The following ELMOD3 variants were observed in gnomAD, a reference collection of about 807,000 sequenced individuals.
ELMOD3 encodes ELMO domain-containing protein 3.
Under a neutral mutation model 47.4 loss-of-function variants are expected in ELMOD3, and 36 were observed. That is an observed-to-expected ratio of 0.76 (90% CI 0.58 to 1.00). The LOEUF (loss-of-function observed/expected upper bound fraction) is 1.00, where lower values mean the gene tolerates loss of function less well. Ranked by LOEUF, ELMOD3 falls within the 50% of genes least tolerant of loss-of-function variation. The pLI is 0.00. For synonymous variants in ELMOD3, 149 were observed against 183.5 expected, an observed-to-expected ratio of 0.81 and a Z score of 1.52; for missense variants, 404 against 463.8, an observed-to-expected ratio of 0.87 and a Z score of 1.18.
chr2:85,360,048 C>T (rs917910131), intron 4 of ELMOD3, among the ~76,000 whole-genome samples: 2 of 151,920 alleles, frequency 1.3e-5, no homozygotes, highest in African/African-American at 2.4e-5. Flanking sequence ...GGGGCAACAG[C>T]GCGAGACTCT....
chr2:85,370,370 G>A (rs1328211893), intron 8 of ELMOD3, among the ~76,000 whole-genome samples: 1 of 151,082 alleles, frequency 6.6e-6, no homozygotes, highest in Non-Finnish European at 1.5e-5. Context: ...GTTCAAGGCT[G>A]CAGTAAGCTA....
Position 85,390,747 on chromosome 2 carries a change from C to T in ELMOD3, c.944-13C>T, listed in dbSNP as rs1211141939. On this transcript the variant is annotated splice_polypyrimidine_tract_variant and intron_variant, in intron 13 of 13. Coordinates refer to ENST00000409013, the MANE Select transcript of ELMOD3 (RefSeq NM_001135022.2). ...CCCTCAAGCCTTCTGCTCCCCAATT[C>T]TCTCTGTTGCAGAGTTGGAAGTATT... The T allele has an allele frequency of 1.3e-6, 2 of 1,550,110 alleles. No individual in the cohort carries two copies. The highest frequency in any genetic ancestry group is 1.7e-6 in the Non-Finnish European group (2 of 1,146,886).
chr2:85,388,775 C>T (rs1686112844), intron 11 of ELMOD3, among the ~76,000 whole-genome samples: 1 of 152,214 alleles, frequency 6.6e-6, no homozygotes, highest in African/African-American at 2.4e-5. Flanking sequence ...ATTTGTTTTT[C>T]ATCTTTAACT....
At chr2:85,381,399 A>G (rs1357165609) in intron 11 of ELMOD3, among the ~76,000 whole-genome samples, 3 of 152,270 alleles carry the variant, frequency 2.0e-5, no homozygotes, top group African/African-American at 7.2e-5. Context: ...TTTTCAATCA[A>G]TAAGCCCTAA....
At position 85,363,130 on chromosome 2, in the gene ELMOD3, G is replaced by T. The variant is rs746166344; in HGVS notation, c.163G>T (p.Ala55Ser). 12 of 1,612,912 alleles carry T rather than the reference G, an allele frequency of 7.4e-6. No homozygotes were observed. The East Asian group carries it at 2.5e-4, about 33-fold the overall frequency. Residue 55 changes from alanine to serine, a missense_variant, in exon 6 of 14, where the codon GCT (alanine) becomes TCT (serine). By Grantham distance (99) the Ala-to-Ser change is moderately conservative. Coordinates refer to ENST00000409013, the MANE Select transcript of ELMOD3 (RefSeq NM_001135022.2). Reference protein sequence around the residue: ...SELKNHGILQALTTEAYEWEP... With the variant: ...SELKNHGILQSLTTEAYEWEP... ...GTTGAAGAACCATGGCATTCTCCAG[G>T]CTCTGACCACAGAAGCTTATGAATG...
chr2:85,369,360 C>T (rs141785409), intron 7 of ELMOD3, among the ~76,000 whole-genome samples: 1,780 of 152,270 alleles, frequency 0.012, 144 homozygotes, highest in Admixed American at 0.1. Context: ...GGTTCCTATA[C>T]AGGGTGTAAG....
rs34751437 is a variant in ELMOD3, at chr2:85,385,776, CTTT to C, written c.739-3966_739-3964del. Among the ~76,000 whole-genome samples, 1,194 of 146,884 alleles carry C rather than the reference CTTT, an allele frequency of 8.1e-3. 15 individuals are homozygous for C. Among genetic ancestry groups the C allele is most frequent in the Non-Finnish European group, 8.5e-3 (561 of 66,312 alleles). ...CAGCAGAGTAACACAGTCTAACTTA[CTTT>C]TTTTTTTTAATGGATCCTACCAGCT... On this transcript the variant is annotated intron_variant, in intron 11 of 13. Coordinates refer to ENST00000409013, the MANE Select transcript of ELMOD3 (RefSeq NM_001135022.2).
rs1684579430 is a variant in ELMOD3 at position 85,368,753 on chromosome 2, A to G, written c.267A>G (p.Thr89=). The G allele has an allele frequency of 1.2e-6, 2 of 1,614,164 alleles. No homozygotes were observed. The highest frequency in any genetic ancestry group is 1.7e-6 in the Non-Finnish European group (2 of 1,180,008). Residue 89 remains threonine, a splice_region_variant and synonymous_variant, in exon 7 of 14, where the codon ACA becomes ACG. Coordinates refer to ENST00000409013, the MANE Select transcript of ELMOD3 (RefSeq NM_001135022.2). ...CTGTGGACACCATCCAGCCAGAGAC[A>G]GGTAACTGTACGAATGCTGCTGTCT... ...WEAVDTIQPE[T]GSQASSEQPG...
intron 6 of ELMOD3, among the ~76,000 whole-genome samples, chr2:85,365,323 C>G (rs910184157): frequency 2.0e-5 from 3 of 150,762 alleles, no homozygotes; most frequent in East Asian, 1.9e-4. Context: ...GCACTCCAGC[C>G]TGGGCGACAG....
At chr2:85,384,946 T>G (rs1685826614) in intron 11 of ELMOD3, among the ~76,000 whole-genome samples, 1 of 152,136 alleles carries the variant, frequency 6.6e-6, no homozygotes, top group South Asian at 2.1e-4. Flanking sequence ...GAGATGACCA[T>G]AAGCTCAATA....
At chr2:85,361,728 G>C (rs939758918) in intron 4 of ELMOD3, among the ~76,000 whole-genome samples, 145 of 152,210 alleles carry the variant, frequency 9.5e-4, no homozygotes, top group African/African-American at 3.4e-3. Flanking sequence ...AGGAGATCGA[G>C]ACCATCCTGG....
intron 11 of ELMOD3, among the ~76,000 whole-genome samples, chr2:85,384,647 A>G (rs901304902): frequency 6.6e-6 from 1 of 152,162 alleles, no homozygotes; most frequent in Non-Finnish European, 1.5e-5. Context: ...ATGCAGTGGC[A>G]CAATCACAAC....
intron 11 of ELMOD3, among the ~76,000 whole-genome samples, chr2:85,387,880 C>A (rs944365865): frequency 6.6e-6 from 1 of 152,114 alleles, no homozygotes; most frequent in Non-Finnish European, 1.5e-5. Flanking sequence ...TTACATGGGA[C>A]AAATTCCACA....
In ELMOD3 at chr2:85,389,518, C is replaced by A. The variant is rs1023136510; in HGVS notation, c.739-233C>A. On this transcript the variant is annotated intron_variant, in intron 11 of 13. Transcript: ENST00000409013. ...TGCACATCAGCTCTGGAGCAAATAA[C>A]CTCAGTTGGTATCCTGGTTCCCATG... is the stretch of plus-strand genomic sequence containing the variant. The A allele has an allele frequency of 2.9e-5, 17 of 581,346 alleles. No individual in the cohort carries two copies. The East Asian group carries it at 4.9e-4, about 17-fold the overall frequency. The allele number at this position is 581,346 out of a possible 1,614,324, so 36.0% of individuals were successfully genotyped here. A position where few individuals can be genotyped will look rare whatever the true frequency, so the allele number is the denominator to read the frequency against.
intron 2 of ELMOD3, 44 bp downstream of exon 2, chr2:85,355,214 G>T (rs894881860): frequency 1.2e-4 from 19 of 152,226 alleles, no homozygotes; most frequent in African/African-American, 4.3e-4. Context: ...CCATAGTTTT[G>T]TCCTGGGGGC....
Position 85,377,333 on chromosome 2 carries a change from C to T in ELMOD3, c.608-11C>T, listed in dbSNP as rs1379161033. The T allele has an allele frequency of 6.3e-7, 1 of 1,580,698 alleles. No individual in the cohort carries two copies. On this transcript the variant is annotated splice_polypyrimidine_tract_variant and intron_variant, in intron 10 of 13. Coordinates refer to ENST00000409013, the MANE Select transcript of ELMOD3 (RefSeq NM_001135022.2). ...CTGCCACACCCTGTTTCCTCACGGT[C>T]TCTGTTACAGGAGCGAATCCAGCCA... is the stretch of plus-strand genomic sequence containing the variant.
intron 6 of ELMOD3, among the ~76,000 whole-genome samples, chr2:85,366,138 T>C (rs1684367499): frequency 1.3e-5 from 2 of 151,048 alleles, no homozygotes; most frequent in Admixed American, 1.3e-4. Flanking sequence ...TTTTTTTTTT[T>C]TTTTGTATTT....
chr2:85,387,717 G>A (rs1686039893), intron 11 of ELMOD3, among the ~76,000 whole-genome samples: 1 of 149,988 alleles, frequency 6.7e-6, no homozygotes, highest in Non-Finnish European at 1.5e-5. Context: ...GTAATGATTA[G>A]TGACTTAACT....
intron 7 of ELMOD3, 63 bp downstream of exon 7, chr2:85,368,817 A>C (rs1326048213): frequency 1.0e-5 from 16 of 1,534,184 alleles, no homozygotes; most frequent in African/African-American, 1.4e-5. Context: ...CCATCCACAC[A>C]TGTGGCAAAT....
Sources: allele counts gnomAD v4.1 joint callset (sites outside exome capture counted in the v4.1 genomes callset), GRCh38; gene constraint gnomAD v4.1.1; transcripts MANE v1.5; gene names NCBI Gene and HGNC (gene_info 2026-07-23, HGNC 2026-07-21).